The following CENPC variants were observed in gnomAD, a reference collection of about 807,000 sequenced individuals.
CENPC encodes the protein centromere protein C.
CENPC carries 63 observed loss-of-function variants against 112.1 expected under a neutral mutation model. That is an observed-to-expected ratio of 0.56 (90% CI 0.46 to 0.69). The LOEUF (loss-of-function observed/expected upper bound fraction) is 0.69, where lower values mean the gene tolerates loss of function less well. Ranked by LOEUF, CENPC falls within the 30% of genes least tolerant of loss-of-function variation. The pLI is 0.00. For synonymous variants in CENPC, 333 were observed against 367.6 expected (o/e 0.91, Z 1.08); for missense variants, 1,000 against 1,103.8 (o/e 0.91, Z 1.33).
intron 15 of CENPC, 143 bp from the exon 16 acceptor site, chr4:67,492,418 G>A: frequency 3.7e-6 from 2 of 546,264 alleles, no homozygotes; most frequent in Non-Finnish European, 6.3e-6. Context: ...AAATCACTCT[G>A]ATAAACAAAA....
At chr4:67,527,156 A>G (rs1726405170) in intron 5 of CENPC, among the ~76,000 whole-genome samples, 1 of 152,214 alleles carries the variant, frequency 6.6e-6, no homozygotes, top group Non-Finnish European at 1.5e-5. Flanking sequence ...ATTTATGCCA[A>G]ATGAATACAT....
chr4:67,478,666 A>ACACACACACACACACACACC (rs146500743), intron 17 of CENPC, among the ~76,000 whole-genome samples: 4 of 76,526 alleles, frequency 5.2e-5, no homozygotes, highest in African/African-American at 1.5e-4. Flanking sequence ...ACACACACAC[A>ACACACACACACACACACACC]CCCAAAGTAT....
At chr4:67,540,925 A>T (rs1726868386) in intron 3 of CENPC, 55 bp downstream of exon 3, 1 of 1,182,648 alleles carries the variant, frequency 8.5e-7, no homozygotes, top group African/African-American at 1.5e-5. Context: ...TACCATGACA[A>T]ATTCATATTT....
intron 5 of CENPC, among the ~76,000 whole-genome samples, chr4:67,524,084 A>C (rs1302109210): frequency 6.6e-6 from 1 of 152,064 alleles, no homozygotes; most frequent in Non-Finnish European, 1.5e-5. Flanking sequence ...AAAACTGAAA[A>C]TAGAAAAATA....
At chr4:67,538,897 C>T (rs1726804806) in intron 4 of CENPC, among the ~76,000 whole-genome samples, 1 of 152,136 alleles carries the variant, frequency 6.6e-6, no homozygotes, top group Admixed American at 6.5e-5. Context: ...GTTTCCACAG[C>T]TTCTCATATA....
chr4:67,526,448 T>A (rs1025913191), intron 5 of CENPC, among the ~76,000 whole-genome samples: 1 of 151,780 alleles, frequency 6.6e-6, no homozygotes, highest in Non-Finnish European at 1.5e-5. Flanking sequence ...AAACACAAAC[T>A]ACCAAAATTC....
At position 67,530,848 on chromosome 4, in the gene CENPC, C is replaced by T; in HGVS notation, c.298G>A (p.Val100Ile). 6.2e-7 allele frequency: 1 copy of T among 1,605,208 alleles called. No homozygotes were observed. Among genetic ancestry groups the T allele is most frequent in the Admixed American group, 1.7e-5 (1 of 58,776 alleles). ...TTTGTGGCTTCACTTGGTTCTACAA[C>T]AAACTGTAGAGAGGCTTCTTTCTTC... ...SKKKEASLQF[V>I]VEPSEATNRS... is the part of the protein sequence containing the mutation. Residue 100 changes from valine (V) to isoleucine (I), a missense_variant, in exon 5 of 19, where the codon GTT becomes ATT. By Grantham distance (29) the Val-to-Ile change is conservative. Transcript: ENST00000273853.
At chr4:67,536,665 T>C (rs1182310239) in intron 4 of CENPC, among the ~76,000 whole-genome samples, 1 of 150,814 alleles carries the variant, frequency 6.6e-6, no homozygotes, top group Non-Finnish European at 1.5e-5. Context: ...AGGCCCTACC[T>C]GAAAAAAAAA....
rs1322523772 is a variant in CENPC at position 67,483,796 on chromosome 4, G to GA, written c.2670+6170dup. On this transcript the variant is annotated intron_variant, in intron 17 of 18. Coordinates refer to ENST00000273853, the MANE Select transcript of CENPC (RefSeq NM_001812.4). Reference sequence around the variant, plus strand: ...AGTTTTAAAAGTTAAAAAAAAAATAGAAAAAAGCTTATAGAATAAGGAAAT... The same window carrying GA: ...AGTTTTAAAAGTTAAAAAAAAAATAGAAAAAAAGCTTATAGAATAAGGAAAT... 2.6e-5 allele frequency among the ~76,000 whole-genome samples: 4 copies of GA among 151,902 alleles called. No homozygotes were observed. The South Asian group carries it at 8.3e-4, about 32-fold the overall frequency.
At chr4:67,535,843 A>G (rs1289154078) in intron 4 of CENPC, among the ~76,000 whole-genome samples, 1 of 152,168 alleles carries the variant, frequency 6.6e-6, no homozygotes, top group African/African-American at 2.4e-5. Flanking sequence ...AAAATCAAGA[A>G]ACAGCAATAT....
At chr4:67,528,182 C>T (rs355473) in intron 5 of CENPC, among the ~76,000 whole-genome samples, 95,802 of 151,876 alleles carry the variant, frequency 0.63, 30,452 homozygotes, top group East Asian at 0.81. Context: ...AAATTAGCCT[C>T]ATAATTTAAA....
intron 5 of CENPC, among the ~76,000 whole-genome samples, chr4:67,521,547 T>C (rs1160603969): frequency 1.3e-5 from 2 of 152,170 alleles, no homozygotes; most frequent in South Asian, 2.1e-4. Context: ...ACTGTTGATG[T>C]AGAAAAAAAT....
chr4:67,498,040 G>A (rs564825361), intron 12 of CENPC, among the ~76,000 whole-genome samples: 37 of 152,048 alleles, frequency 2.4e-4, no homozygotes, highest in African/African-American at 5.1e-4. Flanking sequence ...AGACAAGCCC[G>A]ACCAACATGG....
intron 14 of CENPC, 152 bp downstream of exon 14, chr4:67,493,732 A>G (rs1725348177): frequency 1.2e-5 from 7 of 568,364 alleles, no homozygotes; most frequent in South Asian, 1.1e-4. Flanking sequence ...GCATCTCTAC[A>G]TTAATCAGAC....
chr4:67,512,640 A>T lies in CENPC; in HGVS notation c.1445-71T>A, dbSNP rs904541278. 44 of 1,107,096 alleles carry T rather than the reference A, an allele frequency of 4.0e-5. 1 individual carries two copies. In the East Asian group the frequency reaches 5.9e-4, roughly 15 times the overall value. The allele number at this position is 1,107,096 out of a possible 1,614,324, so 68.6% of individuals were successfully genotyped here. On this transcript the variant is annotated intron_variant, in intron 8 of 18. Transcript: ENST00000273853. ...AGTTTTCAGAAAACCACAAGATTAT[A>T]AAAAAACCGTCAATTACAGGAACTT...
chr4:67,511,269 A>C (rs1725884909), intron 9 of CENPC, among the ~76,000 whole-genome samples: 2 of 152,190 alleles, frequency 1.3e-5, no homozygotes, highest in Admixed American at 1.3e-4. Context: ...CTATCCATCA[A>C]GAATCTCAAT....
At chr4:67,536,000 G>A (rs763441648) in intron 4 of CENPC, among the ~76,000 whole-genome samples, 2 of 152,070 alleles carry the variant, frequency 1.3e-5, no homozygotes, top group Non-Finnish European at 2.9e-5. Flanking sequence ...ATGCCTTTGA[G>A]CTTTAAAAAT....
At chr4:67,522,819 G>A (rs141388076) in intron 5 of CENPC, among the ~76,000 whole-genome samples, 2 of 152,150 alleles carry the variant, frequency 1.3e-5, no homozygotes, top group South Asian at 4.1e-4. Context: ...GGCCAACATG[G>A]TGAAACCCCA....
rs1020004389 is a variant in CENPC at position 67,512,631 on chromosome 4, CAAG to C, written c.1445-65_1445-63del. On this transcript the variant is annotated intron_variant, in intron 8 of 18. Transcript: ENST00000273853. ...TACTAAAAGAGTTTTCAGAAAACCA[CAAG>C]ATTATAAAAAAACCGTCAATTACAG... The C allele has an allele frequency of 3.3e-6, 4 of 1,208,906 alleles. No individual in the cohort carries two copies. The African/African-American group carries it at 6.4e-5, about 19-fold the overall frequency. 74.9% of individuals were successfully genotyped at this position (1,208,906 alleles called of 1,614,324 possible).
Sources: allele counts gnomAD v4.1 joint callset (sites outside exome capture counted in the v4.1 genomes callset), GRCh38; gene constraint gnomAD v4.1.1; transcripts MANE v1.5; gene names NCBI Gene and HGNC (gene_info 2026-07-23, HGNC 2026-07-21).